Variants in EEF2K observed in about 807,000 individuals in gnomAD.
EEF2K encodes the protein eukaryotic elongation factor 2 kinase.
EEF2K carries 70 observed loss-of-function variants against 93.8 expected under a neutral mutation model. The ratio of observed to expected loss-of-function variants is 0.75; its 90% CI spans 0.62 to 0.91. EEF2K has a LOEUF of 0.91. Among genes scored for constraint, EEF2K ranks in the 40% least tolerant of loss-of-function variants. The pLI, the probability that EEF2K is intolerant of heterozygous loss-of-function variation, is 0.00. For missense variants in EEF2K, 935 were observed against 972.9 expected (o/e 0.96, Z 0.52); for synonymous variants, 376 against 380.8 (o/e 0.99, Z 0.15).
intron 4 of EEF2K, 146 bp from the exon 5 acceptor site, chr16:22,250,508 G>GA (rs1162299935): frequency 2.1e-6 from 2 of 946,718 alleles, no homozygotes; most frequent in Non-Finnish European, 3.2e-6. Context: ...CTGAGACATA[G>GA]AAGGGAGATC....
At chr16:22,263,056 A>G in intron 11 of EEF2K, 54 bp from the exon 12 acceptor site, 2 of 1,561,404 alleles carry the variant, frequency 1.3e-6, no homozygotes, top group Admixed American at 1.8e-5. Context: ...TGTCATAACC[A>G]TTTCCAGGTG....
chr16:22,249,010 A>AT (rs1361866933), intron 4 of EEF2K, among the ~76,000 whole-genome samples, 195 bp downstream of exon 4: 2 of 131,402 alleles, frequency 1.5e-5, no homozygotes, highest in Admixed American at 8.2e-5. Context: ...GTCTCACTCT[A>AT]TTGCCCAGGA....
intron 2 of EEF2K, among the ~76,000 whole-genome samples, chr16:22,238,758 C>T (rs996073547): frequency 2.0e-5 from 3 of 151,312 alleles, no homozygotes; most frequent in East Asian, 1.9e-4. Context: ...GGTCAGAAGT[C>T]GGTGCAGAAG....
chr16:22,219,862 C>T (rs1210687359), intron 1 of EEF2K, among the ~76,000 whole-genome samples: 2 of 152,186 alleles, frequency 1.3e-5, no homozygotes, highest in Non-Finnish European at 2.9e-5. Flanking sequence ...AGCACAGGGC[C>T]ATCCGCCTCA....
chr16:22,210,794 T>C (rs1170768614), intron 1 of EEF2K, among the ~76,000 whole-genome samples: 2 of 152,052 alleles, frequency 1.3e-5, no homozygotes, highest in Non-Finnish European at 2.9e-5. Context: ...GAGGACAGGC[T>C]GGGGTGTGTA....
intron 5 of EEF2K, 37 bp downstream of exon 5, chr16:22,250,728 G>A: frequency 1.2e-6 from 2 of 1,613,878 alleles, no homozygotes; most frequent in Non-Finnish European, 1.7e-6. Context: ...GCCCTGCCCA[G>A]AGTCCCCCCA....
chr16:22,273,688 C>G lies in EEF2K; in HGVS notation c.1827C>G (p.Asp609Glu), dbSNP rs758776203. The change falls in exon 16 of 18, where the codon GAC becomes GAG. Residue 609 changes from aspartate to glutamate, a missense_variant. Transcript: ENST00000263026. ...DYLLKAAEAG[D>E]RQSMILVARA... ...TACTAAAGGCCGCTGAAGCTGGCGACAGGCAGTCCATGATCCTAGTGGCGC... is the reference window on the plus strand; with the variant it reads ...TACTAAAGGCCGCTGAAGCTGGCGAGAGGCAGTCCATGATCCTAGTGGCGC... 1.2e-6 allele frequency: 2 copies of G among 1,614,066 alleles called. No individual in the cohort carries two copies. Among genetic ancestry groups the G allele is most frequent in the Non-Finnish European group, 1.7e-6 (2 of 1,180,050 alleles).
intron 16 of EEF2K, among the ~76,000 whole-genome samples, chr16:22,277,262 G>A (rs1001568747): frequency 6.6e-6 from 1 of 152,034 alleles, no homozygotes; most frequent in African/African-American, 2.4e-5. Context: ...TCAGCCTCTC[G>A]AGTAGCTGGG....
chr16:22,257,824 A>C, intron 9 of EEF2K, 54 bp downstream of exon 9: 2 of 1,595,728 alleles, frequency 1.3e-6, no homozygotes, highest in Non-Finnish European at 1.7e-6. Context: ...GCTACTTGCA[A>C]AGCAAGCCCT....
At chr16:22,281,476 A>C (rs1382745912) in intron 17 of EEF2K, among the ~76,000 whole-genome samples, 1 of 152,202 alleles carries the variant, frequency 6.6e-6, no homozygotes, top group Non-Finnish European at 1.5e-5. Context: ...TCCTAGCCTC[A>C]AGCAATCTGC....
chr16:22,266,922 G>A, intron 15 of EEF2K, 46 bp downstream of exon 15: 3 of 1,560,782 alleles, frequency 1.9e-6, no homozygotes, highest in African/African-American at 1.3e-5. Flanking sequence ...GTGGGACTTG[G>A]TCACCCTGTG....
At chr16:22,281,347 C>G (rs1310026572) in intron 17 of EEF2K, among the ~76,000 whole-genome samples, 1 of 152,134 alleles carries the variant, frequency 6.6e-6, no homozygotes, top group African/African-American at 2.4e-5. Flanking sequence ...TCAAGCAATT[C>G]TCCTGCCTCA....
At chr16:22,279,869 A>G (rs534221640) in intron 16 of EEF2K, among the ~76,000 whole-genome samples, 83 of 152,154 alleles carry the variant, frequency 5.5e-4, no homozygotes, top group African/African-American at 1.9e-3. Context: ...GGTGGCGTGC[A>G]CCTGTAATCC....
chr16:22,244,525 C>A (rs1598181650), intron 2 of EEF2K, 105 bp from the exon 3 acceptor site: 2 of 1,062,172 alleles, frequency 1.9e-6, no homozygotes, highest in East Asian at 2.5e-5. Flanking sequence ...TGTCCTGATA[C>A]TGTCTGCCTC....
intron 1 of EEF2K, among the ~76,000 whole-genome samples, chr16:22,225,265 A>G (rs2047051389): frequency 6.6e-6 from 1 of 152,188 alleles, no homozygotes; most frequent in Non-Finnish European, 1.5e-5. Context: ...AGCACGCTAG[A>G]TGAACGCAGC....
intron 11 of EEF2K, among the ~76,000 whole-genome samples, chr16:22,261,715 T>C (rs1027391082): frequency 1.3e-5 from 2 of 150,604 alleles, no homozygotes; most frequent in Non-Finnish European, 3.0e-5. Flanking sequence ...GAAATACTTC[T>C]TAGTAGAGGC....
intron 15 of EEF2K, among the ~76,000 whole-genome samples, chr16:22,269,795 A>G (rs913964327): frequency 4.6e-5 from 7 of 152,144 alleles, no homozygotes; most frequent in African/African-American, 1.4e-4. Flanking sequence ...TCGGCCCAGT[A>G]CACGGTTTCC....
intron 16 of EEF2K, 120 bp from the exon 17 acceptor site, chr16:22,280,078 G>A (rs902401577): frequency 4.0e-6 from 4 of 995,954 alleles, no homozygotes; most frequent in African/African-American, 3.4e-5. Context: ...AAGATAGGTC[G>A]TGAACCATAG....
chr16:22,256,868 C>A lies in EEF2K; in HGVS notation c.739C>A (p.Arg247Ser). The change falls in exon 7 of 18, where the codon CGC becomes AGC. Residue 247 changes from arginine (R) to serine (S), a missense_variant. Arg to Ser is a moderately radical substitution (Grantham distance 110). Coordinates refer to ENST00000263026, the MANE Select transcript of EEF2K (RefSeq NM_013302.5). The part of the protein sequence containing the change: ...IKYNSNSGFV[R>S]DDNIRLTPQA... ...GTACAACTCCAACTCTGGCTTTGTC[C>A]GCGATGACAACATCCGCCTGACGCC... The A allele has an allele frequency of 2.5e-6, 4 of 1,614,142 alleles. No homozygotes were observed. Among genetic ancestry groups the A allele is most frequent in the Non-Finnish European group, 2.5e-6 (3 of 1,180,038 alleles).
Sources: gnomAD v4.1 joint callset for allele counts (sites outside exome capture counted in the v4.1 genomes callset) on GRCh38, gnomAD v4.1.1 for gene constraint, MANE v1.5 for transcripts, NCBI Gene and HGNC (gene_info 2026-07-23, HGNC 2026-07-21) for gene names.